BID: variants seen among roughly 807,000 people sequenced by gnomAD.
The protein encoded by BID is BH3-interacting domain death agonist.
In BID, 19 loss-of-function variants were observed where a neutral mutation model predicts 17.4. That is an observed-to-expected ratio of 1.09 (90% CI 0.76 to 1.60). BID has a LOEUF of 1.60. Ranked by LOEUF, BID falls within the 40% of genes most tolerant of loss-of-function variation. BID has a pLI of 0.00. For synonymous variants in BID, 108 were observed against 102.8 expected (o/e 1.05, Z -0.31); for missense variants, 226 against 256.0 (o/e 0.88, Z 0.80).
chr22:17,753,013 C>T lies in BID; in HGVS notation c.-58-2839G>A, dbSNP rs8135530. Among the ~76,000 whole-genome samples, 1,071 of 124,938 alleles carry T rather than the reference C, an allele frequency of 8.6e-3. 20 individuals are homozygous for T. Among genetic ancestry groups the T allele is most frequent in the African/African-American group, 0.032 (1,027 of 32,598 alleles). The allele number at this position is 124,938 out of a possible 152,430, so 82.0% of individuals were successfully genotyped here. The stretch of plus-strand genomic sequence containing the variant: ...ATGGAGTCTCGCTCTGTCACCCAGG[C>T]TGGAGTGCAGTGGCGCAATCTCGGC... On this transcript the variant is annotated intron_variant, in intron 1 of 5. Transcript: ENST00000622694.
intron 1 of BID, among the ~76,000 whole-genome samples, chr22:17,772,052 C>T (rs1039832343): frequency 6.6e-6 from 1 of 152,216 alleles, no homozygotes; most frequent in African/African-American, 2.4e-5. Context: ...TGACCTTGGA[C>T]AAGTTACTTA....
chr22:17,739,603 C>G, intron 3 of BID, 115 bp from the exon 4 acceptor site: 2 of 1,361,770 alleles, frequency 1.5e-6, no homozygotes, highest in African/African-American at 2.9e-5. Context: ...CAAGGCCAGC[C>G]CCCACTGGGC....
chr22:17,736,960 C>T (rs764908896), intron 5 of BID, among the ~76,000 whole-genome samples: 8 of 151,598 alleles, frequency 5.3e-5, no homozygotes, highest in African/African-American at 9.7e-5. Flanking sequence ...CCCGCCACCA[C>T]ACCCAGCTAA....
At chr22:17,759,196 A>T (rs2145908086) in intron 1 of BID, among the ~76,000 whole-genome samples, 1 of 147,024 alleles carries the variant, frequency 6.8e-6, no homozygotes, top group East Asian at 2.0e-4. Flanking sequence ...ACGCCACTAC[A>T]CTCCAGCCTG....
At chr22:17,736,419 T>C (rs1189695284) in intron 5 of BID, among the ~76,000 whole-genome samples, 2 of 147,376 alleles carry the variant, frequency 1.4e-5, no homozygotes, top group Non-Finnish European at 3.0e-5. Flanking sequence ...ATCGTGCCAT[T>C]GCACTCCAGC....
At chr22:17,754,196 G>A (rs1037927491) in intron 1 of BID, among the ~76,000 whole-genome samples, 1 of 151,976 alleles carries the variant, frequency 6.6e-6, no homozygotes, top group African/African-American at 2.4e-5. Flanking sequence ...CCGGGCGGGG[G>A]TGACATTCCC....
chr22:17,744,241 G>A (rs2061480775), intron 2 of BID, among the ~76,000 whole-genome samples: 1 of 152,108 alleles, frequency 6.6e-6, no homozygotes, highest in Admixed American at 6.5e-5. Context: ...CCCCGACTCT[G>A]CAGAAAGGGA....
chr22:17,742,518 C>T (rs2061467404), intron 3 of BID, among the ~76,000 whole-genome samples: 1 of 135,074 alleles, frequency 7.4e-6, no homozygotes, highest in Non-Finnish European at 1.6e-5. Context: ...TGGGGAACTC[C>T]AGCCACGTCC....
intron 1 of BID, among the ~76,000 whole-genome samples, chr22:17,756,963 C>T (rs140344352): frequency 6.6e-6 from 1 of 151,992 alleles, no homozygotes; most frequent in Non-Finnish European, 1.5e-5. Flanking sequence ...ACTAAGCCTC[C>T]TTATGCTTCT....
chr22:17,744,400 T>A (rs778820661), intron 2 of BID, among the ~76,000 whole-genome samples: 1 of 152,226 alleles, frequency 6.6e-6, no homozygotes, highest in Non-Finnish European at 1.5e-5. Flanking sequence ...TTTCTTCAAG[T>A]TCCCCTGCAG....
intron 2 of BID, among the ~76,000 whole-genome samples, chr22:17,748,323 C>A (rs1263144758): frequency 6.6e-6 from 1 of 150,916 alleles, no homozygotes; most frequent in Non-Finnish European, 1.5e-5. Flanking sequence ...TCCTGGCTAA[C>A]ACGGTGAAAC....
chr22:17,770,720 C>A (rs1165570866), intron 1 of BID, among the ~76,000 whole-genome samples: 2 of 152,250 alleles, frequency 1.3e-5, no homozygotes, highest in African/African-American at 2.4e-5. Flanking sequence ...CCAAGCCCAG[C>A]CTGTCCCACC....
chr22:17,763,556 T>G (rs1411743690), intron 1 of BID, among the ~76,000 whole-genome samples: 6 of 152,172 alleles, frequency 3.9e-5, no homozygotes, highest in Non-Finnish European at 8.8e-5. Flanking sequence ...ATTATAACTT[T>G]TAACAAAGTA....
At chr22:17,746,019 A>G (rs1346624344) in intron 2 of BID, among the ~76,000 whole-genome samples, 1 of 152,086 alleles carries the variant, frequency 6.6e-6, no homozygotes, top group Non-Finnish European at 1.5e-5. Context: ...AAAAATAAGG[A>G]GCTTGTGTAT....
intron 1 of BID, among the ~76,000 whole-genome samples, chr22:17,767,671 G>A (rs2061688673): frequency 6.6e-6 from 1 of 152,114 alleles, no homozygotes; most frequent in African/African-American, 2.4e-5. Flanking sequence ...ACAAACCAAT[G>A]CTCAATCACT....
Position 17,735,321 on chromosome 22 carries a change from A to G in BID, c.*259T>C. ...AAAGGCACCGTGTGTAGATTTACAG[A>G]TGTGCAGATTCATGTGTGGATGATA... On this transcript the variant is annotated 3_prime_UTR_variant, in exon 6 of 6. Coordinates refer to ENST00000622694, the MANE Select transcript of BID (RefSeq NM_001196.4). The G allele has an allele frequency of 1.1e-5, 5 of 476,116 alleles. No homozygotes were observed. Among genetic ancestry groups the G allele is most frequent in the Admixed American group, 7.5e-5 (2 of 26,548 alleles). 29.5% of individuals were successfully genotyped at this position (476,116 alleles called of 1,614,324 possible).
chr22:17,740,532 C>A (rs555154792), intron 3 of BID: 105 of 214,132 alleles, frequency 4.9e-4, no homozygotes, highest in African/African-American at 2.2e-3. Flanking sequence ...TGGGTTCAAG[C>A]AAGTCTCATG....
At chr22:17,751,008 C>T (rs2145892289) in intron 1 of BID, among the ~76,000 whole-genome samples, 1 of 151,924 alleles carries the variant, frequency 6.6e-6, no homozygotes, top group African/African-American at 2.4e-5. Flanking sequence ...TGCACTCCAG[C>T]CTGGGCGAGA....
At position 17,738,153 on chromosome 22, in the gene BID, GTCT is replaced by G; in HGVS notation, c.437_439del (p.Lys146del). 10 of 1,613,840 alleles carry G rather than the reference GTCT, an allele frequency of 6.2e-6. No homozygotes were observed. The highest frequency in any genetic ancestry group is 8.5e-6 in the Non-Finnish European group (10 of 1,180,048). On this transcript the variant is annotated inframe_deletion, in exon 5 of 6. Coordinates refer to ENST00000622694, the MANE Select transcript of BID (RefSeq NM_001196.4). ...CAGCAGCAGGGCCAGCACCAGCATG[GTCT>G]TCTCCTTCTCCATGTCTCTAGGGTA... is the stretch of plus-strand genomic sequence containing the variant.
Sources: allele counts gnomAD v4.1 joint callset (sites outside exome capture counted in the v4.1 genomes callset), GRCh38; gene constraint gnomAD v4.1.1; transcripts MANE v1.5; gene names NCBI Gene and HGNC (gene_info 2026-07-23, HGNC 2026-07-21).